ADCY10: variants seen among roughly 807,000 people sequenced by gnomAD.
ADCY10 encodes adenylate cyclase type 10.
Under a neutral mutation model 183.3 loss-of-function variants are expected in ADCY10, and 156 were observed. That is an observed-to-expected ratio of 0.85 (90% CI 0.75 to 0.97). The LOEUF (loss-of-function observed/expected upper bound fraction) is 0.97, where lower values mean the gene tolerates loss of function less well. ADCY10 is among the 50% of genes least tolerant of loss of function. ADCY10 has a pLI of 0.00. For synonymous variants in ADCY10, 645 were observed against 670.0 expected (o/e 0.96, Z 0.58); for missense variants, 1,745 against 1,934.3 (o/e 0.90, Z 1.84).
Position 167,845,600 on chromosome 1 carries a change from A to G in ADCY10, c.2970T>C (p.Asp990=). ...GAGACATAGCCATCTTTTTAATGGC[A>G]TCCATGTCTAAAGCGTTGAGCCGAA... ...VNIRLNALDM[D]AIKKMAMSHG... The change falls in exon 21 of 33, where the codon GAT becomes GAC. Residue 990 remains aspartate (D), a synonymous_variant. Coordinates refer to ENST00000367851, the MANE Select transcript of ADCY10 (RefSeq NM_018417.6). 1 of 1,614,258 alleles carries G rather than the reference A, an allele frequency of 6.2e-7. No individual in the cohort carries two copies. The highest frequency in any genetic ancestry group is 8.5e-7 in the Non-Finnish European group (1 of 1,180,042).
At chr1:167,826,042 T>TA (rs957795320) in intron 26 of ADCY10, among the ~76,000 whole-genome samples, 3 of 152,212 alleles carry the variant, frequency 2.0e-5, no homozygotes, top group African/African-American at 4.8e-5. Flanking sequence ...GGAAGTGTTT[T>TA]AGAGTAGAGG....
At position 167,905,104 on chromosome 1, in the gene ADCY10, T is replaced by C. The variant is rs751616354; in HGVS notation, c.37A>G (p.Ile13Val). ...GGTAAATGAGCTGCTATTCTGACTA[T>C]GGGCCAGTCCTGGAATTCTTCTTTT... ...TPKEEFQDWP[I>V]VRIAAHLPDL... The change falls in exon 2 of 33, where the codon ATA becomes GTA. Residue 13 changes from isoleucine to valine, a missense_variant. Ile to Val is a conservative substitution (Grantham distance 29, BLOSUM62 3). Coordinates refer to ENST00000367851, the MANE Select transcript of ADCY10 (RefSeq NM_018417.6). 2.8e-5 allele frequency: 45 copies of C among 1,614,118 alleles called. No homozygotes were observed. The highest frequency in any genetic ancestry group is 3.7e-5 in the Non-Finnish European group (44 of 1,180,054).
chr1:167,837,037 A>T (rs1664260921), intron 22 of ADCY10: 1 of 592,746 alleles, frequency 1.7e-6, no homozygotes, highest in Admixed American at 2.6e-5. Flanking sequence ...AAAAATAAAT[A>T]AATAAAATAA....
intron 18 of ADCY10, among the ~76,000 whole-genome samples, chr1:167,851,697 G>T (rs752033598): frequency 6.6e-6 from 1 of 151,976 alleles, no homozygotes; most frequent in African/African-American, 2.4e-5. Context: ...GGTGGCAGTT[G>T]CCTGTAATCC....
intron 21 of ADCY10, among the ~76,000 whole-genome samples, chr1:167,838,618 A>G (rs935182834): frequency 6.6e-6 from 1 of 152,162 alleles, no homozygotes; most frequent in Non-Finnish European, 1.5e-5. Flanking sequence ...TTCTCCTTTC[A>G]CAATTTCTCC....
Position 167,829,363 on chromosome 1 carries a change from G to A in ADCY10, c.3654C>T (p.Ile1218=). The A allele has an allele frequency of 1.2e-6, 2 of 1,614,156 alleles. No individual in the cohort carries two copies. Among genetic ancestry groups the A allele is most frequent in the Non-Finnish European group, 1.7e-6 (2 of 1,179,980 alleles). ...AGTGAAAAAGATAACTGTAGCTATAGATGCGCCACAGCAAGGAAAGGCAGA... is the reference window on the plus strand; with the variant it reads ...AGTGAAAAAGATAACTGTAGCTATAAATGCGCCACAGCAAGGAAAGGCAGA... ...QTVCLSLLWR[I]YSYSYLFHCK... Residue 1218 remains isoleucine (I), a synonymous_variant, in exon 26 of 33, where the codon ATC becomes ATT. Transcript: ENST00000367851.
chr1:167,913,846 A>C (rs1398749219), intron 1 of ADCY10, 130 bp downstream of exon 1: 1 of 152,240 alleles, frequency 6.6e-6, no homozygotes, highest in East Asian at 1.9e-4. Context: ...AGAGGTATAC[A>C]CAAACTTGAA....
chr1:167,879,389 C>T lies in ADCY10; in HGVS notation c.1216+726G>A, dbSNP rs192380772. On this transcript the variant is annotated intron_variant, in intron 11 of 32. Coordinates refer to ENST00000367851, the MANE Select transcript of ADCY10 (RefSeq NM_018417.6). ...TGAGGTAGCAAATGTGTCACTTTAA[C>T]ATAAACTTGAATACTTCTGAACAAG... 3.5e-4 allele frequency among the ~76,000 whole-genome samples: 53 copies of T among 152,216 alleles called. 1 individual carries two copies. Among genetic ancestry groups the T allele is most frequent in the Non-Finnish European group, 6.5e-4 (44 of 68,000 alleles).
At chr1:167,821,498 A>T (rs1571217639) in intron 30 of ADCY10, among the ~76,000 whole-genome samples, 1 of 152,192 alleles carries the variant, frequency 6.6e-6, no homozygotes, top group East Asian at 1.9e-4. Context: ...TGTGATACTG[A>T]TCTCTCTGCT....
At chr1:167,889,415 G>A (rs1187320144) in intron 8 of ADCY10, among the ~76,000 whole-genome samples, 1 of 152,030 alleles carries the variant, frequency 6.6e-6, no homozygotes, top group Non-Finnish European at 1.5e-5. Context: ...TGCATCCCTG[G>A]GATAAATCCC....
At chr1:167,819,882 A>C (rs1046835273) in intron 30 of ADCY10, 1 of 870,294 alleles carries the variant, frequency 1.1e-6, no homozygotes, top group African/African-American at 1.7e-5. Flanking sequence ...CTAATAGCCA[A>C]ATATTTAAAG....
chr1:167,824,047 G>T (rs4657722), intron 28 of ADCY10, among the ~76,000 whole-genome samples: 5 of 152,286 alleles, frequency 3.3e-5, no homozygotes, highest in Admixed American at 1.3e-4. Context: ...AAGGCCTGGC[G>T]CAGTGGCTCA....
intron 13 of ADCY10, among the ~76,000 whole-genome samples, chr1:167,872,570 A>G (rs1667182032): frequency 6.6e-6 from 1 of 151,866 alleles, no homozygotes; most frequent in Non-Finnish European, 1.5e-5. Flanking sequence ...TTTACCCTAA[A>G]AAGCCACTAT....
intron 17 of ADCY10, among the ~76,000 whole-genome samples, chr1:167,855,174 G>T (rs1295361888): frequency 6.6e-6 from 1 of 152,138 alleles, no homozygotes; most frequent in African/African-American, 2.4e-5. Context: ...TACAAAATTA[G>T]CTGGGCGTAG....
chr1:167,869,119 G>A (rs1183334641), intron 14 of ADCY10, among the ~76,000 whole-genome samples: 1 of 152,196 alleles, frequency 6.6e-6, no homozygotes, highest in African/African-American at 2.4e-5. Context: ...TGGCACATAT[G>A]CCCGTACGAG....
At chr1:167,888,875 C>CAAAAAAAA (rs748603972) in intron 8 of ADCY10, among the ~76,000 whole-genome samples, 1 of 94,150 alleles carries the variant, frequency 1.1e-5, no homozygotes. Context: ...GACTCCGTCT[C>CAAAAAAAA]AAAAAAAAAA....
In ADCY10 at chr1:167,845,830, G is replaced by A. The variant is rs144433453; in HGVS notation, c.2740C>T (p.Arg914Cys). ...GMDHGEEEQL[R>C]ELENEVIECH... is the part of the protein sequence containing the mutation. Reference sequence around the variant, plus strand: ...TCGATCACCTCATTCTCCAGTTCACGAAGCTGTTCCTCTTCACCGTGATCT... The same window carrying A: ...TCGATCACCTCATTCTCCAGTTCACAAAGCTGTTCCTCTTCACCGTGATCT... The change falls in exon 21 of 33, where the codon CGT becomes TGT. Residue 914 changes from arginine (R) to cysteine (C), a missense_variant. Arg to Cys is a radical substitution (Grantham distance 180). Coordinates refer to ENST00000367851, the MANE Select transcript of ADCY10 (RefSeq NM_018417.6). 717 of 1,614,066 alleles carry A rather than the reference G, an allele frequency of 4.4e-4. No individual in the cohort carries two copies. Among genetic ancestry groups the A allele is most frequent in the Non-Finnish European group, 5.4e-4 (643 of 1,180,042 alleles).
intron 1 of ADCY10, among the ~76,000 whole-genome samples, chr1:167,909,520 G>A (rs934203667): frequency 2.0e-5 from 3 of 151,942 alleles, no homozygotes; most frequent in Non-Finnish European, 2.9e-5. Flanking sequence ...ACACAAATTT[G>A]TAAACTTTCT....
intron 21 of ADCY10, among the ~76,000 whole-genome samples, chr1:167,844,746 G>A (rs893148205): frequency 2.6e-5 from 4 of 152,136 alleles, no homozygotes; most frequent in Admixed American, 6.5e-5. Flanking sequence ...TATGTACTAG[G>A]CAGTTTAGAT....
Sources: gnomAD v4.1 joint callset for allele counts (sites outside exome capture counted in the v4.1 genomes callset) on GRCh38, gnomAD v4.1.1 for gene constraint, MANE v1.5 for transcripts, NCBI Gene and HGNC (gene_info 2026-07-23, HGNC 2026-07-21) for gene names.